Variants in ZC3H4 observed in about 807,000 individuals in gnomAD.
The protein encoded by ZC3H4 is zinc finger CCCH domain-containing protein 4.
A neutral mutation model predicts 108.3 loss-of-function variants in ZC3H4; 13 were observed. The observed-to-expected ratio is 0.12, with a 90% confidence interval of 0.08 to 0.19. The LOEUF is 0.19. Ranked by LOEUF, ZC3H4 falls within the 10% of genes least tolerant of loss-of-function variation. ZC3H4 has a pLI of 1.00. For missense variants in ZC3H4, 1,734 were observed against 1,838.8 expected, an observed-to-expected ratio of 0.94 and a Z score of 1.04; for synonymous variants, 917 against 749.6, an observed-to-expected ratio of 1.22 and a Z score of -3.65.
chr19:47,112,077 AGCACCCCCCACG>A, intron 2 of ZC3H4: 4 of 1,000,208 alleles, frequency 4.0e-6, no homozygotes, highest in Non-Finnish European at 4.8e-6. Context: ...GGGTCTCCGC[AGCACCCCCCACG>A]GCGCCCCCTC....
intron 1 of ZC3H4, among the ~76,000 whole-genome samples, chr19:47,112,844 C>A (rs973509354): frequency 6.6e-6 from 1 of 152,088 alleles, no homozygotes; most frequent in Non-Finnish European, 1.5e-5. Context: ...CGAGAGCCCC[C>A]CCCCCACGCA....
intron 2 of ZC3H4, chr19:47,096,862 C>A: frequency 1.0e-6 from 1 of 985,442 alleles, no homozygotes; most frequent in Non-Finnish European, 1.2e-6. Context: ...ATCATCAGGG[C>A]TGGGTCAGCT....
intron 11 of ZC3H4, among the ~76,000 whole-genome samples, chr19:47,081,297 C>T (rs2057517610): frequency 6.6e-6 from 1 of 152,196 alleles, no homozygotes; most frequent in Non-Finnish European, 1.5e-5. Context: ...CCAGGGGAAA[C>T]AGCAAAAGCT....
intron 6 of ZC3H4, 37 bp from the exon 7 acceptor site, chr19:47,085,451 G>A: frequency 6.6e-7 from 1 of 1,519,688 alleles, no homozygotes; most frequent in Non-Finnish European, 8.8e-7. Flanking sequence ...AGAGCGTCAG[G>A]TAGGGAACAA....
intron 5 of ZC3H4, among the ~76,000 whole-genome samples, chr19:47,089,492 G>A (rs547200650): frequency 4.6e-5 from 7 of 152,272 alleles, no homozygotes; most frequent in African/African-American, 1.7e-4. Flanking sequence ...TGTTCTAAGA[G>A]GCCAGTCAGG....
chr19:47,080,040 C>T (rs1407171172), intron 11 of ZC3H4, among the ~76,000 whole-genome samples: 1 of 152,162 alleles, frequency 6.6e-6, no homozygotes, highest in Non-Finnish European at 1.5e-5. Context: ...GCCCCTGCCA[C>T]CAGTTAACAA....
intron 2 of ZC3H4, among the ~76,000 whole-genome samples, chr19:47,111,962 A>G (rs1257967999): frequency 1.3e-5 from 2 of 151,966 alleles, no homozygotes; most frequent in East Asian, 1.9e-4. Context: ...GATCCCCCCA[A>G]AAAGGGTCCG....
chr19:47,113,354 G>T, intron 1 of ZC3H4: 1 of 153,494 alleles, frequency 6.5e-6, no homozygotes. Flanking sequence ...AGAGCTGAAG[G>T]TGGTGATATG....
chr19:47,101,995 T>C (rs1369704170), intron 2 of ZC3H4, among the ~76,000 whole-genome samples: 2 of 151,642 alleles, frequency 1.3e-5, no homozygotes, highest in Non-Finnish European at 2.9e-5. Flanking sequence ...GACCATGCCA[T>C]TGCACTCCAG....
Position 47,067,653 on chromosome 19 carries a change from C to T in ZC3H4, c.2615G>A (p.Arg872His), listed in dbSNP as rs1017154517. 5 of 1,602,726 alleles carry T rather than the reference C, an allele frequency of 3.1e-6. No individual in the cohort carries two copies. In the African/African-American group the frequency reaches 4.0e-5, roughly 13 times the overall value. ...AGACCCGCCAGAAGCCTCCACATGG[C>T]GGGTGAGTCTGGGGTCCCGGCTGAG... ...PRLSRDPRLT[R>H]HVEASGGSGP... The change falls in exon 15 of 15, where the codon CGC becomes CAC. Residue 872 changes from arginine (R) to histidine (H), a missense_variant. Physicochemically the swap from Arg to His is conservative, Grantham distance 29. Coordinates refer to ENST00000253048, the MANE Select transcript of ZC3H4 (RefSeq NM_015168.2). This position sits in a 1 kb window ranked among gnomAD's most constrained non-coding sequence, Gnocchi z 6.4.
Position 47,066,262 on chromosome 19 carries a change from G to C in ZC3H4, c.*94C>G. On this transcript the variant is annotated 3_prime_UTR_variant, in exon 15 of 15. Coordinates refer to ENST00000253048, the MANE Select transcript of ZC3H4 (RefSeq NM_015168.2). Reference sequence around the variant, plus strand: ...AAAGAAAAGAAAAAAGGAACACCCAGCCTGCCTCCCCTTGCCCCCAAGTTC... The same window carrying C: ...AAAGAAAAGAAAAAAGGAACACCCACCCTGCCTCCCCTTGCCCCCAAGTTC... The C allele has an allele frequency of 1.0e-6, 1 of 1,000,866 alleles. No homozygotes were observed. Among genetic ancestry groups the C allele is most frequent in the Non-Finnish European group, 1.4e-6 (1 of 726,270 alleles). The allele number at this position is 1,000,866 out of a possible 1,614,324, so 62.0% of individuals were successfully genotyped here.
intron 14 of ZC3H4, among the ~76,000 whole-genome samples, chr19:47,068,241 G>A (rs2057255474): frequency 6.6e-6 from 1 of 152,220 alleles, no homozygotes; most frequent in Non-Finnish European, 1.5e-5. Context: ...TCCTAACCCA[G>A]AGCTCTGCTG....
In ZC3H4 at chr19:47,067,814, G is replaced by A. The variant is rs762781881; in HGVS notation, c.2454C>T (p.Thr818=). 3.1e-6 allele frequency: 5 copies of A among 1,608,776 alleles called. No homozygotes were observed. Among genetic ancestry groups the A allele is most frequent in the Admixed American group, 1.7e-5 (1 of 59,392 alleles). ...SDEDEGGSSV[T]SILKTLRQQT... is the part of the protein sequence containing the mutation. ...GCTGCCTCAAGGTCTTCAGGATGGA[G>A]GTGACACTGCTTCCACCCTCATCCT... The change falls in exon 15 of 15, where the codon ACC becomes ACT. Residue 818 remains threonine (T), a synonymous_variant. Transcript: ENST00000253048. The surrounding 1 kb of genome is among the most constrained non-coding windows in gnomAD (Gnocchi z 6.4).
intron 2 of ZC3H4, among the ~76,000 whole-genome samples, chr19:47,098,029 A>C (rs1031633775): frequency 1.3e-5 from 2 of 152,018 alleles, no homozygotes; most frequent in Non-Finnish European, 2.9e-5. Context: ...CCTGCCCCGT[A>C]CCTCCCGGAC....
intron 11 of ZC3H4, among the ~76,000 whole-genome samples, chr19:47,078,440 C>A (rs749015153): frequency 6.6e-6 from 1 of 150,516 alleles, no homozygotes; most frequent in Non-Finnish European, 1.5e-5. Context: ...GCCGAGACCA[C>A]GCCCACTGCA....
intron 2 of ZC3H4, among the ~76,000 whole-genome samples, chr19:47,105,292 G>C (rs1050607349): frequency 2.0e-5 from 3 of 152,138 alleles, no homozygotes; most frequent in Non-Finnish European, 4.4e-5. Context: ...AATGAGTATG[G>C]CTGTGTGCCA....
intron 2 of ZC3H4, chr19:47,096,683 A>C (rs1399140184): frequency 1.8e-5 from 10 of 547,418 alleles, no homozygotes; most frequent in Non-Finnish European, 2.3e-5. Context: ...CATAAAGAAA[A>C]GCTAAGAACA....
Position 47,084,455 on chromosome 19 carries a change from C to G in ZC3H4, c.1108G>C (p.Asp370His). 6.2e-7 allele frequency: 1 copy of G among 1,614,178 alleles called. No homozygotes were observed. Among genetic ancestry groups the G allele is most frequent in the Non-Finnish European group, 8.5e-7 (1 of 1,180,020 alleles). ...DEDFYDEDMG[D>H]GGGGSYRSRD... is the part of the protein sequence containing the mutation. Reference sequence around the variant, plus strand: ...CTCCGGTAGCTTCCACCACCACCGTCCTGCAATGGACAGGGTGTGGACGTA... The same window carrying G: ...CTCCGGTAGCTTCCACCACCACCGTGCTGCAATGGACAGGGTGTGGACGTA... The change falls in exon 9 of 15, where the codon GAC becomes CAC. Residue 370 changes from aspartate to histidine, a missense_variant and splice_region_variant. By Grantham distance (81) the Asp-to-His change is moderately conservative. Around this residue, in one of 9 missense-constraint regions of ZC3H4, gnomAD observed 403 missense variants for 457.0 expected, o/e 0.88. Coordinates refer to ENST00000253048, the MANE Select transcript of ZC3H4 (RefSeq NM_015168.2).
chr19:47,086,915 G>A (rs1226800696), intron 5 of ZC3H4, among the ~76,000 whole-genome samples: 2 of 151,538 alleles, frequency 1.3e-5, no homozygotes, highest in Non-Finnish European at 2.9e-5. Context: ...AGCTAGCCCT[G>A]TAGTTTGGAC....
Sources: gnomAD v4.1 joint callset for allele counts (sites outside exome capture counted in the v4.1 genomes callset) on GRCh38, gnomAD v4.1.1 for gene constraint, gnomAD v4.1.1 regional missense constraint, Gnocchi (gnomAD v3.1) non-coding constraint, MANE v1.5 for transcripts, NCBI Gene and HGNC (gene_info 2026-07-23, HGNC 2026-07-21) for gene names.